Variants in DISC1 observed in about 807,000 individuals in gnomAD.
DISC1 encodes disrupted in schizophrenia 1 protein.
DISC1 carries 57 observed loss-of-function variants against 84.5 expected under a neutral mutation model. The ratio of observed to expected loss-of-function variants is 0.67; its 90% CI spans 0.55 to 0.84. The LOEUF is 0.84. Among genes scored for constraint, DISC1 ranks in the 40% least tolerant of loss-of-function variants. The pLI is 0.00. For missense variants in DISC1, 1,000 were observed against 1,057.8 expected, an observed-to-expected ratio of 0.95 and a Z score of 0.76; for synonymous variants, 411 against 415.2, an observed-to-expected ratio of 0.99 and a Z score of 0.12.
At chr1:231,643,415 C>T (rs1419901154) in intron 1 of DISC1, among the ~76,000 whole-genome samples, 2 of 152,168 alleles carry the variant, frequency 1.3e-5, no homozygotes, top group Non-Finnish European at 2.9e-5. Flanking sequence ...ACTGGGCACA[C>T]ACACTGTATA....
At chr1:231,933,666 C>T (rs1327489209) in intron 9 of DISC1, among the ~76,000 whole-genome samples, 4 of 152,066 alleles carry the variant, frequency 2.6e-5, no homozygotes, top group African/African-American at 9.7e-5. Flanking sequence ...TGGTGAATTT[C>T]CAGAAAAAAA....
chr1:231,823,529 G>T (rs181808965), intron 9 of DISC1, among the ~76,000 whole-genome samples: 1 of 152,280 alleles, frequency 6.6e-6, no homozygotes, highest in African/African-American at 2.4e-5. Flanking sequence ...AGCTTTTTGG[G>T]AATTCAGAGT....
chr1:231,722,706 G>A, intron 3 of DISC1: 2 of 1,573,950 alleles, frequency 1.3e-6, no homozygotes, highest in South Asian at 2.3e-5. Context: ...CCACGTGGAA[G>A]AATACGCTCA....
intron 6 of DISC1, 125 bp from the exon 7 acceptor site, chr1:231,795,117 C>T: frequency 1.1e-6 from 1 of 913,746 alleles, no homozygotes; most frequent in Non-Finnish European, 1.8e-6. Flanking sequence ...TTGGCATCAT[C>T]TTTCCTCCTG....
At chr1:231,646,274 A>T (rs2060125899) in intron 1 of DISC1, among the ~76,000 whole-genome samples, 2 of 151,482 alleles carry the variant, frequency 1.3e-5, no homozygotes, top group Non-Finnish European at 2.9e-5. Flanking sequence ...TGTCCTTGCG[A>T]TAGTTTGCTG....
intron 3 of DISC1, among the ~76,000 whole-genome samples, chr1:231,711,310 G>A (rs185152226): frequency 8.3e-5 from 12 of 145,104 alleles, no homozygotes; most frequent in African/African-American, 3.0e-4. Flanking sequence ...CATTAGAATT[G>A]ATTTTTTTTT....
At chr1:231,720,289 C>T (rs949739249) in intron 3 of DISC1, among the ~76,000 whole-genome samples, 4 of 152,132 alleles carry the variant, frequency 2.6e-5, no homozygotes, top group African/African-American at 9.7e-5. Flanking sequence ...AGCTGTCTTC[C>T]TCTCCTCTTT....
At position 232,009,471 on chromosome 1, in the gene DISC1, A is replaced by T; in HGVS notation, c.2307+422A>T. 2 of 616,756 alleles carry T rather than the reference A, an allele frequency of 3.2e-6. No homozygotes were observed. Among genetic ancestry groups the T allele is most frequent in the Non-Finnish European group, 4.0e-6 (2 of 495,450 alleles). 38.2% of individuals were successfully genotyped at this position (616,756 alleles called of 1,614,324 possible). A position where few individuals can be genotyped will look rare whatever the true frequency, so the allele number is the denominator to read the frequency against. ...CATATATGATGTTTATATATTTAGA[A>T]TCTATATATTACAATATATTATTAT... On this transcript the variant is annotated intron_variant, in intron 11 of 12. Transcript: ENST00000439617. The surrounding 1 kb of genome is among the most constrained non-coding windows in gnomAD (Gnocchi z 4.6).
intron 10 of DISC1, among the ~76,000 whole-genome samples, chr1:231,972,491 GCA>G (rs1662132127): frequency 6.6e-6 from 1 of 152,132 alleles, no homozygotes; most frequent in Non-Finnish European, 1.5e-5. Flanking sequence ...AGTGTTTAGG[GCA>G]TTATATAGCA....
At chr1:231,641,528 G>T (rs2059672144) in intron 1 of DISC1, among the ~76,000 whole-genome samples, 1 of 152,194 alleles carries the variant, frequency 6.6e-6, no homozygotes, top group East Asian at 1.9e-4. Context: ...CAGCAGCAAG[G>T]TTTGTTGCAA....
At chr1:231,765,755 G>A (rs537173292) in intron 4 of DISC1, among the ~76,000 whole-genome samples, 1 of 152,172 alleles carries the variant, frequency 6.6e-6, no homozygotes, top group Non-Finnish European at 1.5e-5. Flanking sequence ...CACCAAATAT[G>A]TCAACTCCGG....
intron 6 of DISC1, among the ~76,000 whole-genome samples, chr1:231,787,124 C>T (rs2077934906): frequency 6.6e-6 from 1 of 152,110 alleles, no homozygotes; most frequent in Admixed American, 6.5e-5. Flanking sequence ...GATAGGCCTC[C>T]CTAAGGGACA....
At chr1:232,004,614 A>G (rs1051040430) in intron 10 of DISC1, among the ~76,000 whole-genome samples, 1 of 152,218 alleles carries the variant, frequency 6.6e-6, no homozygotes, top group Non-Finnish European at 1.5e-5. Context: ...GAACCCGAGA[A>G]AGAAGCAAAT....
chr1:232,018,951 A>G (rs1011407328), intron 11 of DISC1, among the ~76,000 whole-genome samples: 4 of 152,154 alleles, frequency 2.6e-5, no homozygotes, highest in Non-Finnish European at 5.9e-5. Flanking sequence ...CTGGCTCTTT[A>G]TACTTGGGTG....
intron 9 of DISC1, among the ~76,000 whole-genome samples, chr1:231,876,018 A>T (rs533063305): frequency 9.9e-5 from 15 of 152,282 alleles, no homozygotes; most frequent in African/African-American, 2.9e-4. Flanking sequence ...GTGGGCTGAA[A>T]AGGCCCGAGA....
At position 231,869,423 on chromosome 1, in the gene DISC1, G is replaced by A. The variant is rs113849977; in HGVS notation, c.1981+50906G>A. Among the ~76,000 whole-genome samples the A allele has an allele frequency of 9.2e-5, 14 of 152,216 alleles. 1 individual carries two copies. The highest frequency in any genetic ancestry group is 3.1e-4 in the African/African-American group (13 of 41,548). Reference sequence around the variant, plus strand: ...ATGATCCATTTCCACTTAATGAATAGCGTCTTAGTCCATTTTGTGTTGCTA... The same window carrying A: ...ATGATCCATTTCCACTTAATGAATAACGTCTTAGTCCATTTTGTGTTGCTA... On this transcript the variant is annotated intron_variant, in intron 9 of 12. Transcript: ENST00000439617.
intron 9 of DISC1, among the ~76,000 whole-genome samples, chr1:231,837,427 A>AT: frequency 6.6e-6 from 1 of 152,308 alleles, no homozygotes; most frequent in South Asian, 2.1e-4. Flanking sequence ...CCTTTACATG[A>AT]TATATGGGCA....
rs1280308777 is a variant in DISC1, at chr1:231,985,188, T to A, written c.2043-23597T>A. Among the ~76,000 whole-genome samples, 3 of 151,758 alleles carry A rather than the reference T, an allele frequency of 2.0e-5. No homozygotes were observed. In the South Asian group the frequency reaches 6.3e-4, roughly 32 times the overall value. ...ATACAAAAAAAATATTAGCCAGGCA[T>A]GGTGGTGCATGCCTGTAATCCCAGC... is the stretch of plus-strand genomic sequence containing the variant. On this transcript the variant is annotated intron_variant, in intron 10 of 12. Coordinates refer to ENST00000439617, the MANE Select transcript of DISC1 (RefSeq NM_018662.3).
chr1:231,660,471 AT>A (rs779498907), intron 1 of DISC1, among the ~76,000 whole-genome samples: 17 of 151,428 alleles, frequency 1.1e-4, no homozygotes, highest in Non-Finnish European at 1.6e-4. Flanking sequence ...CAAAAAAAAA[AT>A]ATATATATTT....
Sources: gnomAD v4.1 joint callset for allele counts (sites outside exome capture counted in the v4.1 genomes callset) on GRCh38, gnomAD v4.1.1 for gene constraint, Gnocchi (gnomAD v3.1) non-coding constraint, MANE v1.5 for transcripts, NCBI Gene and HGNC (gene_info 2026-07-23, HGNC 2026-07-21) for gene names.